Variants in SLC9A4 observed in about 807,000 individuals in gnomAD.
SLC9A4 encodes the protein solute carrier family 9 member A4.
SLC9A4 carries 63 observed loss-of-function variants against 67.4 expected under a neutral mutation model. The ratio of observed to expected loss-of-function variants is 0.93; its 90% CI spans 0.76 to 1.15. The LOEUF is 1.15. Ranked by LOEUF, SLC9A4 falls within the 50% of genes most tolerant of loss-of-function variation. The probability of loss-of-function intolerance (pLI) is 0.00; values close to 1 mark genes in which losing one functional copy is unlikely to be tolerated. For synonymous variants in SLC9A4, 393 were observed against 367.2 expected, an observed-to-expected ratio of 1.07 and a Z score of -0.80; for missense variants, 1,089 against 987.7, an observed-to-expected ratio of 1.10 and a Z score of -1.38.
chr2:102,478,395 A>C (rs1684377939), intron 1 of SLC9A4, among the ~76,000 whole-genome samples: 1 of 152,210 alleles, frequency 6.6e-6, no homozygotes, highest in African/African-American at 2.4e-5. Flanking sequence ...AGACAAAATA[A>C]AGGACTTTTA....
chr2:102,512,299 C>T (rs368095814), intron 7 of SLC9A4, 26 bp downstream of exon 7: 2 of 1,609,502 alleles, frequency 1.2e-6, no homozygotes, highest in Non-Finnish European at 8.5e-7. Context: ...GTTTCACTCC[C>T]TGACAAACTT....
At chr2:102,487,667 A>G (rs1180042137) in intron 2 of SLC9A4, among the ~76,000 whole-genome samples, 2 of 152,258 alleles carry the variant, frequency 1.3e-5, no homozygotes, top group Non-Finnish European at 2.9e-5. Flanking sequence ...CAACTAGACT[A>G]CACTGTGAGC....
intron 11 of SLC9A4, among the ~76,000 whole-genome samples, chr2:102,530,688 A>T (rs1386781454): frequency 6.6e-6 from 1 of 152,204 alleles, no homozygotes; most frequent in Non-Finnish European, 1.5e-5. Flanking sequence ...TTCCTTAGCT[A>T]GTGCTTCAAG....
chr2:102,505,113 T>C (rs1685022490), intron 3 of SLC9A4, 141 bp from the exon 4 acceptor site: 1 of 741,222 alleles, frequency 1.3e-6, no homozygotes, highest in Non-Finnish European at 2.2e-6. Flanking sequence ...CTGCGGAAAA[T>C]CTGCAGCCAC....
chr2:102,495,071 C>T (rs999390822), intron 2 of SLC9A4, among the ~76,000 whole-genome samples: 1 of 151,876 alleles, frequency 6.6e-6, no homozygotes, highest in Non-Finnish European at 1.5e-5. Flanking sequence ...ATAAAAATGG[C>T]CATACATTTG....
intron 4 of SLC9A4, among the ~76,000 whole-genome samples, chr2:102,507,332 CTCT>C (rs1685070764): frequency 6.6e-6 from 1 of 152,228 alleles, no homozygotes; most frequent in Admixed American, 6.5e-5. Flanking sequence ...CGAAGTGAAA[CTCT>C]TCTTTGATTC....
At chr2:102,474,158 A>AG in intron 1 of SLC9A4, 143 bp downstream of exon 1, 7 of 987,670 alleles carry the variant, frequency 7.1e-6, no homozygotes, top group Non-Finnish European at 1.0e-5. Flanking sequence ...AGTCAAGGGA[A>AG]AGTCATAACT....
chr2:102,507,438 G>A (rs1329113362), intron 4 of SLC9A4, among the ~76,000 whole-genome samples: 1 of 152,096 alleles, frequency 6.6e-6, no homozygotes, highest in Non-Finnish European at 1.5e-5. Context: ...AACCAATGTG[G>A]TAGAAAACTC....
In SLC9A4 at chr2:102,488,438, A is replaced by G. The variant is rs568005925; in HGVS notation, c.720+9136A>G. On this transcript the variant is annotated intron_variant, in intron 2 of 11. Transcript: ENST00000295269. Reference sequence around the variant, plus strand: ...GGAGGAAGCCATTGACCCTGACTCCAGGCTGAGGTCATCCATACTTTCCTC... The same window carrying G: ...GGAGGAAGCCATTGACCCTGACTCCGGGCTGAGGTCATCCATACTTTCCTC... 7.2e-5 allele frequency among the ~76,000 whole-genome samples: 11 copies of G among 152,254 alleles called. No individual in the cohort carries two copies. In the South Asian group the frequency reaches 2.3e-3, roughly 32 times the overall value.
chr2:102,473,561 C>A lies in SLC9A4; in HGVS notation c.-199C>A. On this transcript the variant is annotated 5_prime_UTR_variant, in exon 1 of 12. Coordinates refer to ENST00000295269, the MANE Select transcript of SLC9A4 (RefSeq NM_001011552.4). The stretch of plus-strand genomic sequence containing the variant: ...TGAGTTGGAAGCTGAGTTGCCTGAA[C>A]ACAAACGATTTAAACCAGATTAGAA... The A allele has an allele frequency of 1.6e-6, 1 of 615,470 alleles. No homozygotes were observed. The highest frequency in any genetic ancestry group is 2.7e-6 in the Non-Finnish European group (1 of 366,942). The allele number at this position is 615,470 out of a possible 1,614,324, so 38.1% of individuals were successfully genotyped here. A position where few individuals can be genotyped will look rare whatever the true frequency, so the allele number is the denominator to read the frequency against.
chr2:102,512,397 C>T, intron 7 of SLC9A4, 124 bp downstream of exon 7: 3 of 977,538 alleles, frequency 3.1e-6, no homozygotes, highest in Non-Finnish European at 4.6e-6. Flanking sequence ...GAGCCATCCC[C>T]TACAGGAAGT....
rs948001231 is a variant in SLC9A4, at chr2:102,483,710, C to T, written c.720+4408C>T. Among the ~76,000 whole-genome samples the T allele has an allele frequency of 7.3e-5, 11 of 150,182 alleles. No individual in the cohort carries two copies. The East Asian group carries it at 7.9e-4, about 11-fold the overall frequency. ...ACAAAACCCAGATAGCTTTAGTGTCCTCACCCGCCACTATACACAAATGGT... is the reference window on the plus strand; with the variant it reads ...ACAAAACCCAGATAGCTTTAGTGTCTTCACCCGCCACTATACACAAATGGT... On this transcript the variant is annotated intron_variant, in intron 2 of 11. Transcript: ENST00000295269.
In SLC9A4 at chr2:102,524,009, T is replaced by G. The variant is rs1411606575; in HGVS notation, c.1819-1015T>G. On this transcript the variant is annotated intron_variant, in intron 9 of 11. Transcript: ENST00000295269. Reference sequence around the variant, plus strand: ...TGATCCCAGAATCTTATCACTTAGCTGCACGCATAGCATCTTATCCCTATT... The same window carrying G: ...TGATCCCAGAATCTTATCACTTAGCGGCACGCATAGCATCTTATCCCTATT... 2.0e-5 allele frequency among the ~76,000 whole-genome samples: 3 copies of G among 152,244 alleles called. No individual in the cohort carries two copies. In the East Asian group the frequency reaches 5.8e-4, roughly 29 times the overall value.
intron 9 of SLC9A4, among the ~76,000 whole-genome samples, chr2:102,522,304 C>T (rs536049952): frequency 3.9e-5 from 6 of 152,032 alleles, no homozygotes; most frequent in African/African-American, 7.2e-5. Flanking sequence ...TAGAATGCAC[C>T]GGGCATCAGG....
At chr2:102,475,100 G>C (rs1335903570) in intron 1 of SLC9A4, among the ~76,000 whole-genome samples, 1 of 152,130 alleles carries the variant, frequency 6.6e-6, no homozygotes, top group Non-Finnish European at 1.5e-5. Context: ...TATTAAATAG[G>C]AATGTTAGTT....
intron 6 of SLC9A4, among the ~76,000 whole-genome samples, chr2:102,509,239 G>A (rs1270864418): frequency 6.6e-6 from 1 of 152,214 alleles, no homozygotes; most frequent in Non-Finnish European, 1.5e-5. Context: ...GAGGCTGCCT[G>A]TGTTCCTTGG....
At chr2:102,493,678 G>T (rs919756827) in intron 2 of SLC9A4, among the ~76,000 whole-genome samples, 5 of 151,632 alleles carry the variant, frequency 3.3e-5, no homozygotes, top group Admixed American at 3.3e-4. Flanking sequence ...ACTCCAGTTA[G>T]CTTCCATATC....
At chr2:102,494,863 G>T (rs1181701190) in intron 2 of SLC9A4, among the ~76,000 whole-genome samples, 1 of 152,056 alleles carries the variant, frequency 6.6e-6, no homozygotes, top group East Asian at 1.9e-4. Flanking sequence ...TTGAAAGGCA[G>T]AAAATGACAA....
chr2:102,497,067 G>C (rs945217420), intron 2 of SLC9A4, among the ~76,000 whole-genome samples: 2 of 152,192 alleles, frequency 1.3e-5, no homozygotes, highest in Non-Finnish European at 2.9e-5. Flanking sequence ...TGAGTAGCTG[G>C]AATTACAGGC....
Sources: allele counts gnomAD v4.1 joint callset (sites outside exome capture counted in the v4.1 genomes callset), GRCh38; gene constraint gnomAD v4.1.1; transcripts MANE v1.5; gene names NCBI Gene and HGNC (gene_info 2026-07-23, HGNC 2026-07-21).